The following GINS2 variants were observed in gnomAD, a reference collection of about 807,000 sequenced individuals.
The protein encoded by GINS2 is DNA replication complex GINS protein PSF2.
GINS2 carries 23 observed loss-of-function variants against 21.2 expected under a neutral mutation model. The observed-to-expected ratio is 1.08, with a 90% CI of 0.78 to 1.53. The LOEUF (loss-of-function observed/expected upper bound fraction) is 1.53. GINS2 is among the 40% of genes most tolerant of loss of function. The pLI is 0.00. For synonymous variants in GINS2, 118 were observed against 85.6 expected, an observed-to-expected ratio of 1.38 and a Z score of -2.09; for missense variants, 323 against 233.9, an observed-to-expected ratio of 1.38 and a Z score of -2.49.
intron 2 of GINS2, among the ~76,000 whole-genome samples, chr16:85,685,868 C>G (rs1276812842): frequency 2.0e-5 from 3 of 151,284 alleles, no homozygotes; most frequent in African/African-American, 7.3e-5. Context: ...CAATAAGTCC[C>G]AGTAAGGAGG....
At chr16:85,687,314 T>C in intron 2 of GINS2, 146 bp downstream of exon 2, 1 of 509,508 alleles carries the variant, frequency 2.0e-6, no homozygotes, top group Non-Finnish European at 3.6e-6. Flanking sequence ...TCTGGAAGTA[T>C]TCCTTTCAGC....
At chr16:85,686,396 C>T (rs982697135) in intron 2 of GINS2, among the ~76,000 whole-genome samples, 3 of 148,496 alleles carry the variant, frequency 2.0e-5, no homozygotes, top group African/African-American at 2.5e-5. Flanking sequence ...CCAGCCTGGG[C>T]GACAGAGCGA....
At chr16:85,680,260 C>T (rs983243906) in intron 3 of GINS2, among the ~76,000 whole-genome samples, 1 of 152,340 alleles carries the variant, frequency 6.6e-6, no homozygotes, top group East Asian at 1.9e-4. Flanking sequence ...GCAGCCTCAT[C>T]TCAGCCTAAG....
At chr16:85,685,881 G>A (rs2053772836) in intron 2 of GINS2, among the ~76,000 whole-genome samples, 1 of 151,180 alleles carries the variant, frequency 6.6e-6, no homozygotes. Context: ...TAAGGAGGGG[G>A]CAGTCAAAAT....
intron 2 of GINS2, among the ~76,000 whole-genome samples, chr16:85,685,077 C>T (rs947147414): frequency 2.0e-5 from 3 of 152,054 alleles, no homozygotes; most frequent in African/African-American, 7.3e-5. Flanking sequence ...GCATGAGCCA[C>T]CGCGCCTGGC....
rs779129979 is a variant in GINS2, at chr16:85,681,630, G to T, written c.257C>A (p.Pro86Gln). 6.2e-7 allele frequency: 1 copy of T among 1,612,786 alleles called. No individual in the cohort carries two copies. The highest frequency in any genetic ancestry group is 8.5e-7 in the Non-Finnish European group (1 of 1,178,912). Reference protein sequence around the residue: ...DHERKEETFTPMPSPYYMELT... With the variant: ...DHERKEETFTQMPSPYYMELT... ...TTCCATGTAGTAAGGGCTGGGCATTGGGGTAAAAGTTTCTTCCTTTCGTTC... is the reference window on the plus strand; with the variant it reads ...TTCCATGTAGTAAGGGCTGGGCATTTGGGTAAAAGTTTCTTCCTTTCGTTC... The change falls in exon 3 of 5, where the codon CCA becomes CAA. Residue 86 changes from proline to glutamine, a missense_variant. By Grantham distance (76) the Pro-to-Gln change is moderately conservative. Transcript: ENST00000253462.
chr16:85,678,272 G>T lies in GINS2; in HGVS notation c.498C>A (p.His166Gln), dbSNP rs200190343. The part of the protein sequence containing the change: ...SGTFLTQALN[H>Q]MYKLRTNLQP... ...GGAGGTTCGTGCGGAGTTTGTACATGTGGTTGAGCGCTTGTGTGAGGAAAG... is the reference window on the plus strand; with the variant it reads ...GGAGGTTCGTGCGGAGTTTGTACATTTGGTTGAGCGCTTGTGTGAGGAAAG... The change falls in exon 5 of 5, where the codon CAC (histidine) becomes CAA (glutamine). Residue 166 changes from histidine to glutamine, a missense_variant. By Grantham distance (24) the His-to-Gln change is conservative. Coordinates refer to ENST00000253462, the MANE Select transcript of GINS2 (RefSeq NM_016095.3). 5 of 1,612,572 alleles carry T rather than the reference G, an allele frequency of 3.1e-6. No individual in the cohort carries two copies. Among genetic ancestry groups the T allele is most frequent in the Non-Finnish European group, 4.2e-6 (5 of 1,178,590 alleles).
In GINS2 at chr16:85,678,011, G is replaced by A. The variant is rs751390461; in HGVS notation, c.*201C>T. On this transcript the variant is annotated 3_prime_UTR_variant, in exon 5 of 5. Coordinates refer to ENST00000253462, the MANE Select transcript of GINS2 (RefSeq NM_016095.3). ...AGGGCTGGTTTCTAGAAACAGATGT[G>A]GAATTGAAGAATGTCCCAGGGAGCT... 30 of 502,848 alleles carry A rather than the reference G, an allele frequency of 6.0e-5. No individual in the cohort carries two copies. Among genetic ancestry groups the A allele is most frequent in the Non-Finnish European group, 9.8e-5 (28 of 284,686 alleles). 31.1% of individuals were successfully genotyped at this position (502,848 alleles called of 1,614,324 possible).
intron 2 of GINS2, among the ~76,000 whole-genome samples, chr16:85,682,942 C>T (rs1002464290): frequency 2.4e-4 from 37 of 152,162 alleles, no homozygotes; most frequent in African/African-American, 8.2e-4. Context: ...CCGCCAGCAC[C>T]GCCTCAACCC....
At chr16:85,678,483 G>T (rs2053704398) in intron 4 of GINS2, 57 bp downstream of exon 4, 3 of 1,593,524 alleles carry the variant, frequency 1.9e-6, no homozygotes, top group Non-Finnish European at 2.6e-6. Flanking sequence ...GCAGACGGGA[G>T]CCATGTGAAA....
At chr16:85,688,056 C>T (rs548219102) in intron 1 of GINS2, 2 of 153,564 alleles carry the variant, frequency 1.3e-5, no homozygotes, top group Non-Finnish European at 2.9e-5. Context: ...CACCTGAACC[C>T]GGGAGGCGGA....
rs746799126 is a variant in GINS2 at position 85,678,714 on chromosome 16, A to AGCAAG, written c.306-49_306-48insCTTGC. Reference sequence around the variant, plus strand: ...CAGTCGGGGAACACTTGATAACCTGAGGCAATGCTGGATAGAGTGGCTCTT... The same window carrying AGCAAG: ...CAGTCGGGGAACACTTGATAACCTGAGCAAGGGCAATGCTGGATAGAGTGGCTCTT... On this transcript the variant is annotated intron_variant, in intron 3 of 4. Coordinates refer to ENST00000253462, the MANE Select transcript of GINS2 (RefSeq NM_016095.3). The AGCAAG allele has an allele frequency of 2.5e-6, 4 of 1,589,332 alleles. No homozygotes were observed. In the Admixed American group the frequency reaches 5.1e-5, roughly 20 times the overall value.
At chr16:85,681,444 G>C in intron 3 of GINS2, 138 bp downstream of exon 3, 1 of 618,702 alleles carries the variant, frequency 1.6e-6, no homozygotes, top group East Asian at 2.8e-5. Context: ...CATGGTCACT[G>C]ACCTGAGAAA....
chr16:85,682,896 G>T (rs1433585027), intron 2 of GINS2, among the ~76,000 whole-genome samples: 1 of 152,046 alleles, frequency 6.6e-6, no homozygotes, highest in Non-Finnish European at 1.5e-5. Flanking sequence ...TGCAATCCTG[G>T]CCCAATTCCT....
intron 3 of GINS2, among the ~76,000 whole-genome samples, chr16:85,679,269 C>T (rs1224946217): frequency 6.6e-6 from 1 of 152,192 alleles, no homozygotes; most frequent in Admixed American, 6.5e-5. Context: ...AATTAGTATA[C>T]AGTGAGCACA....
Position 85,678,531 on chromosome 16 carries a change from G to GGCACCTAC in GINS2, c.432+1_432+8dup. 1 of 1,611,850 alleles carries GGCACCTAC rather than the reference G, an allele frequency of 6.2e-7. No homozygotes were observed. The highest frequency in any genetic ancestry group is 8.5e-7 in the Non-Finnish European group (1 of 1,179,194). On this transcript the variant is annotated intron_variant, in intron 4 of 4. Coordinates refer to ENST00000253462, the MANE Select transcript of GINS2 (RefSeq NM_016095.3). ...AAGGCCACCAGCACCCAGGCAAGGCGGCACCTACCTTGGCATGTGCCTCCT... is the reference window on the plus strand; with the variant it reads ...AAGGCCACCAGCACCCAGGCAAGGCGGCACCTACGCACCTACCTTGGCATGTGCCTCCT...
intron 2 of GINS2, among the ~76,000 whole-genome samples, chr16:85,682,230 G>C (rs2053740200): frequency 6.6e-6 from 1 of 151,984 alleles, no homozygotes; most frequent in African/African-American, 2.4e-5. Flanking sequence ...GCCCAGGCTG[G>C]TCTCAAACTC....
At chr16:85,687,643 C>T in intron 1 of GINS2, 69 bp from the exon 2 acceptor site, 1 of 868,896 alleles carries the variant, frequency 1.2e-6, no homozygotes, top group Non-Finnish European at 1.7e-6. Context: ...TGCGTTACTG[C>T]TATCAAATAA....
chr16:85,687,947 A>G lies in GINS2; in HGVS notation c.91-373T>C, dbSNP rs1489363043. On this transcript the variant is annotated intron_variant, in intron 1 of 4. Coordinates refer to ENST00000253462, the MANE Select transcript of GINS2 (RefSeq NM_016095.3). ...ACAGAGCCTGCCCTCCTTCTCCAGGACTCCCAGCGCCGAGGCGCCTCCCTC... is the reference window on the plus strand; with the variant it reads ...ACAGAGCCTGCCCTCCTTCTCCAGGGCTCCCAGCGCCGAGGCGCCTCCCTC... The G allele has an allele frequency of 1.8e-5, 3 of 165,178 alleles. No individual in the cohort carries two copies. The Admixed American group carries it at 1.9e-4, about 11-fold the overall frequency. The allele number at this position is 165,178 out of a possible 1,614,324, so 10.2% of individuals were successfully genotyped here.
Sources: allele counts gnomAD v4.1 joint callset (sites outside exome capture counted in the v4.1 genomes callset), GRCh38; gene constraint gnomAD v4.1.1; transcripts MANE v1.5; gene names NCBI Gene and HGNC (gene_info 2026-07-23, HGNC 2026-07-21).